DOP1A: variants seen among roughly 807,000 people sequenced by gnomAD.
The protein encoded by DOP1A is DOP1 leucine zipper like protein A, also known as protein DOP1A.
Under a neutral mutation model 267.6 loss-of-function variants are expected in DOP1A, and 90 were observed. The observed-to-expected ratio is 0.34, with a 90% CI of 0.28 to 0.40. DOP1A has a LOEUF of 0.40. Among genes scored for constraint, DOP1A ranks in the 10% least tolerant of loss-of-function variants. The pLI, the probability that DOP1A is intolerant of heterozygous loss-of-function variation, is 1.00. For missense variants in DOP1A, 2,437 were observed against 2,900.4 expected, an observed-to-expected ratio of 0.84 and a Z score of 3.67; for synonymous variants, 932 against 999.1, an observed-to-expected ratio of 0.93 and a Z score of 1.27.
At chr6:83,081,403 A>T (rs986858081) in intron 1 of DOP1A, among the ~76,000 whole-genome samples, 3 of 152,166 alleles carry the variant, frequency 2.0e-5, no homozygotes, top group African/African-American at 7.2e-5. Context: ...CACCATGCCC[A>T]GCCCTACAAC....
intron 38 of DOP1A, among the ~76,000 whole-genome samples, chr6:83,163,251 G>A (rs1028134416): frequency 6.6e-6 from 1 of 152,092 alleles, no homozygotes; most frequent in Non-Finnish European, 1.5e-5. Flanking sequence ...ATTTAAGACT[G>A]TAGTCCTGAA....
chr6:83,106,670 TGTG>T (rs1464916259), intron 4 of DOP1A, among the ~76,000 whole-genome samples: 3 of 151,886 alleles, frequency 2.0e-5, no homozygotes, highest in Non-Finnish European at 4.4e-5. Context: ...ATTAGCCTGG[TGTG>T]GTGGTGAGTG....
intron 21 of DOP1A, 139 bp from the exon 22 acceptor site, chr6:83,139,861 T>G: frequency 1.8e-6 from 1 of 570,822 alleles, no homozygotes. Context: ...AGCCCCTGAT[T>G]TATTCTTTTA....
chr6:83,163,169 TTAA>T (rs1784635675), intron 38 of DOP1A, among the ~76,000 whole-genome samples: 1 of 152,178 alleles, frequency 6.6e-6, no homozygotes, highest in African/African-American at 2.4e-5. Context: ...CTTTTGTACA[TTAA>T]TAACATCTAC....
intron 3 of DOP1A, among the ~76,000 whole-genome samples, chr6:83,098,686 C>T (rs1771952655): frequency 6.6e-6 from 1 of 152,192 alleles, no homozygotes; most frequent in East Asian, 1.9e-4. Flanking sequence ...TTCATGCCCT[C>T]CTCAGGAGTG....
rs1158338764 is a variant in DOP1A at position 83,137,208 on chromosome 6, G to T, written c.3166G>T (p.Gly1056Cys). Residue 1056 changes from glycine to cysteine, a missense_variant, in exon 21 of 39, where the codon GGT becomes TGT. Physicochemically the swap from Gly to Cys is radical, Grantham distance 159. Around this residue, in one of 9 missense-constraint regions of DOP1A, gnomAD observed 878 missense variants for 992.9 expected, o/e 0.88. Coordinates refer to ENST00000349129, the MANE Select transcript of DOP1A (RefSeq NM_015018.4). ...QVQLITSKGN[G>C]EKPLTMDEIE... The stretch of plus-strand genomic sequence containing the variant: ...ACAACTCATCACATCAAAAGGAAAT[G>T]GTGAAAAGCCACTTACCATGGATGA... 2 of 1,581,286 alleles carry T rather than the reference G, an allele frequency of 1.3e-6. No homozygotes were observed. The highest frequency in any genetic ancestry group is 2.7e-5 in the African/African-American group (2 of 73,738).
chr6:83,170,986 AAACAT>A (rs1160954962), downstream of DOP1A: 1 of 153,826 alleles, frequency 6.5e-6, no homozygotes, highest in African/African-American at 2.4e-5. Context: ...TCTGTGAACT[AAACAT>A]AATGCAGAGT....
At chr6:83,076,355 C>T (rs1443709088) in intron 1 of DOP1A, among the ~76,000 whole-genome samples, 1 of 152,086 alleles carries the variant, frequency 6.6e-6, no homozygotes, top group African/African-American at 2.4e-5. Context: ...AACCCGGTCT[C>T]TACTAAAATA....
intron 1 of DOP1A, among the ~76,000 whole-genome samples, chr6:83,070,198 T>TA (rs1785360787): frequency 6.6e-6 from 1 of 152,214 alleles, no homozygotes; most frequent in Non-Finnish European, 1.5e-5. Flanking sequence ...TTTTAATAGA[T>TA]AAGCGTTAAT....
intron 37 of DOP1A, chr6:83,161,162 T>C (rs572017962): frequency 2.6e-5 from 4 of 152,246 alleles, no homozygotes; most frequent in African/African-American, 9.6e-5. Flanking sequence ...GGACATGAAA[T>C]AGTATGCTCA....
Position 83,145,653 on chromosome 6 carries a change from G to C in DOP1A, c.5671G>C (p.Asp1891His). ...AAAGCAGCCACCAGCCATAGCCAAG[G>C]ACAAGGTAAGAAAAAACTCTTCTTC... ...VLKQPPAIAK[D>H]KKHLSLEVCM... is the part of the protein sequence containing the mutation. The change falls in exon 25 of 39, where the codon GAC (aspartate) becomes CAC (histidine). Residue 1891 changes from aspartate (D) to histidine (H), a missense_variant. Physicochemically the swap from Asp to His is moderately conservative, Grantham distance 81 (BLOSUM62 -1). Coordinates refer to ENST00000349129, the MANE Select transcript of DOP1A (RefSeq NM_015018.4). 1 of 1,610,322 alleles carries C rather than the reference G, an allele frequency of 6.2e-7. No homozygotes were observed. The highest frequency in any genetic ancestry group is 8.5e-7 in the Non-Finnish European group (1 of 1,178,688).
At chr6:83,086,829 G>A (rs1769342395) in intron 1 of DOP1A, among the ~76,000 whole-genome samples, 1 of 152,200 alleles carries the variant, frequency 6.6e-6, no homozygotes, top group Non-Finnish European at 1.5e-5. Flanking sequence ...AAATCTTTCA[G>A]GTTTTGCTAT....
intron 1 of DOP1A, among the ~76,000 whole-genome samples, chr6:83,084,591 TG>T (rs1363988459): frequency 9.9e-5 from 15 of 152,178 alleles, no homozygotes; most frequent in Admixed American, 2.0e-4. Flanking sequence ...TGTTTTGTTT[TG>T]TTTTTTTTGA....
At chr6:83,159,984 A>G in intron 37 of DOP1A, 24 bp downstream of exon 37, 1 of 1,610,900 alleles carries the variant, frequency 6.2e-7, no homozygotes, top group Non-Finnish European at 8.5e-7. Context: ...AGGATATTAA[A>G]TGGTTATTTT....
intron 19 of DOP1A, among the ~76,000 whole-genome samples, 195 bp from the exon 20 acceptor site, chr6:83,135,424 G>T (rs1483270081): frequency 2.0e-5 from 3 of 151,448 alleles, no homozygotes; most frequent in Non-Finnish European, 4.4e-5. Context: ...AGGGCAAAAG[G>T]TTTTTTTCCT....
chr6:83,148,692 A>C, intron 26 of DOP1A, 67 bp from the exon 27 acceptor site: 1 of 1,073,608 alleles, frequency 9.3e-7, no homozygotes, highest in Non-Finnish European at 1.3e-6. Flanking sequence ...AATTTAGAGA[A>C]TGTTCCACAA....
Position 83,132,319 on chromosome 6 carries a change from T to C in DOP1A, c.2760T>C (p.His920=), listed in dbSNP as rs1778177599. ...ATGTTATAAGTCAGCAGTTAACCCA[T>C]AAAGATAAGGTAAATCCTCTTATCT... ...CEDVISQQLT[H]KDKKIRMEAH... Residue 920 remains histidine, a synonymous_variant, in exon 18 of 39, where the codon CAT becomes CAC. Transcript: ENST00000349129. 6.2e-7 allele frequency: 1 copy of C among 1,601,910 alleles called. No individual in the cohort carries two copies. Among genetic ancestry groups the C allele is most frequent in the Non-Finnish European group, 8.5e-7 (1 of 1,176,662 alleles).
chr6:83,078,528 C>G (rs939288889), intron 1 of DOP1A, among the ~76,000 whole-genome samples: 2 of 152,202 alleles, frequency 1.3e-5, no homozygotes, highest in Non-Finnish European at 2.9e-5. Flanking sequence ...CTTTATTAAA[C>G]TGCTCCAAAT....
chr6:83,092,755 G>A (rs1429614040), intron 1 of DOP1A, among the ~76,000 whole-genome samples: 2 of 151,968 alleles, frequency 1.3e-5, no homozygotes, highest in African/African-American at 4.8e-5. Flanking sequence ...AAGGGCACAA[G>A]CACTGTGCTA....
Sources: gnomAD v4.1 joint callset for allele counts (sites outside exome capture counted in the v4.1 genomes callset) on GRCh38, gnomAD v4.1.1 for gene constraint, gnomAD v4.1.1 regional missense constraint, MANE v1.5 for transcripts, NCBI Gene and HGNC (gene_info 2026-07-23, HGNC 2026-07-21) for gene names.